The following PKD1L1 variants were observed in gnomAD, a reference collection of about 807,000 sequenced individuals.
The protein encoded by PKD1L1 is polycystin 1 like 1, transient receptor potential channel interacting.
A neutral mutation model predicts 323.4 loss-of-function variants in PKD1L1; 236 were observed. That is an observed-to-expected ratio of 0.73 (90% CI 0.66 to 0.81). PKD1L1 has a LOEUF of 0.81. Among genes scored for constraint, PKD1L1 ranks in the 40% least tolerant of loss-of-function variants. The pLI is 0.00. For missense variants in PKD1L1, 3,320 were observed against 3,508.0 expected (o/e 0.95, Z 1.35); for synonymous variants, 1,344 against 1,335.0 (o/e 1.01, Z -0.15).
intron 7 of PKD1L1, among the ~76,000 whole-genome samples, chr7:47,917,849 C>T (rs1229945985): frequency 6.6e-6 from 1 of 152,052 alleles, no homozygotes; most frequent in Non-Finnish European, 1.5e-5. Context: ...CCTGGAAACA[C>T]ATCAAAATAG....
rs747582195 is a variant in PKD1L1, at chr7:47,839,478, T to C, written c.5737A>G (p.Thr1913Ala). ...AAGCCGAGTCCCCCTTGCAGACAGG[T>C]GAGCTCCCGCTCCACGCGACCATCA... Reference protein sequence around the residue: ...RHDGRVERELTCLQGGLGFRK... With the variant: ...RHDGRVERELACLQGGLGFRK... The change falls in exon 36 of 57, where the codon ACC (threonine) becomes GCC (alanine). Residue 1913 changes from threonine to alanine, a missense_variant. Coordinates refer to ENST00000289672, the MANE Select transcript of PKD1L1 (RefSeq NM_138295.5). The surrounding 1 kb of genome is among the most constrained non-coding windows in gnomAD (Gnocchi z 4.3). The C allele has an allele frequency of 1.9e-6, 3 of 1,611,978 alleles. No homozygotes were observed. The South Asian group carries it at 3.3e-5, about 18-fold the overall frequency.
chr7:47,922,222 T>G (rs1220195963), intron 7 of PKD1L1, among the ~76,000 whole-genome samples: 3 of 152,180 alleles, frequency 2.0e-5, no homozygotes, highest in African/African-American at 7.2e-5. Context: ...TGCTCAATGT[T>G]GCCCAGGCTG....
chr7:47,868,857 A>T (rs189872163), intron 24 of PKD1L1, among the ~76,000 whole-genome samples: 19 of 152,370 alleles, frequency 1.2e-4, no homozygotes, highest in African/African-American at 4.3e-4. Context: ...CCTGGGCAAC[A>T]GAGCAAGACT....
rs116849017 is a variant in PKD1L1, at chr7:47,905,105, G to A, written c.1691+52C>T. The A allele has an allele frequency of 8.4e-4, 1,327 of 1,575,046 alleles. 25 individuals carry two copies. In the East Asian group the frequency reaches 0.027, roughly 32 times the overall value. On this transcript the variant is annotated intron_variant, in intron 11 of 56. Coordinates refer to ENST00000289672, the MANE Select transcript of PKD1L1 (RefSeq NM_138295.5). ...AGCAGCATGGTGATCTTCAGACTGA[G>A]TATAGGCTGCAGTACAAACAGCTAC...
At chr7:47,817,967 A>G (rs202210718) in intron 46 of PKD1L1, 1 of 1,118,800 alleles carries the variant, frequency 8.9e-7, no homozygotes, top group East Asian at 5.1e-5. Flanking sequence ...ATGATCTCTT[A>G]TCCTTTCAAG....
chr7:47,844,939 G>C, intron 33 of PKD1L1, 56 bp downstream of exon 33: 9 of 1,461,984 alleles, frequency 6.2e-6, no homozygotes, highest in South Asian at 1.2e-5. Context: ...GGCATCCTGA[G>C]TGAACAGTAA....
At chr7:47,823,208 C>T (rs193010780) in intron 45 of PKD1L1, among the ~76,000 whole-genome samples, 1 of 152,126 alleles carries the variant, frequency 6.6e-6, no homozygotes, top group Admixed American at 6.5e-5. Flanking sequence ...TTCATAGATA[C>T]CCTTTATTAG....
intron 56 of PKD1L1, among the ~76,000 whole-genome samples, chr7:47,792,193 C>T (rs1193626727): frequency 2.0e-5 from 3 of 152,188 alleles, no homozygotes; most frequent in Non-Finnish European, 4.4e-5. Context: ...CACTGTCTAA[C>T]TTGGAGAATT....
chr7:47,835,659 G>A lies in PKD1L1; in HGVS notation c.5944-416C>T, dbSNP rs181553163. Among the ~76,000 whole-genome samples, 319 of 152,034 alleles carry A rather than the reference G, an allele frequency of 2.1e-3. 1 individual carries two copies. Among genetic ancestry groups the A allele is most frequent in the Non-Finnish European group, 3.5e-3 (237 of 67,986 alleles). ...CAGGTGATCTGCCCACCTCAGCCCC[G>A]CAAAGTGCTGGGATTACAGGCGTGA... On this transcript the variant is annotated intron_variant, in intron 37 of 56. Transcript: ENST00000289672.
chr7:47,960,579 T>C, the PKD1L1 span, among the ~76,000 whole-genome samples: 142 of 151,626 alleles, frequency 9.4e-4, no homozygotes, highest in African/African-American at 3.2e-3. Flanking sequence ...TTACCTATGG[T>C]GCTTTGCCTT....
At chr7:47,776,752 G>A (rs1786577400) in intron 56 of PKD1L1, among the ~76,000 whole-genome samples, 1 of 152,148 alleles carries the variant, frequency 6.6e-6, no homozygotes, top group South Asian at 2.1e-4. Context: ...TTATGACCAC[G>A]CAATAAATAG....
chr7:47,943,915 T>G (rs1358072161), intron 1 of PKD1L1, among the ~76,000 whole-genome samples: 1 of 152,116 alleles, frequency 6.6e-6, no homozygotes, highest in Non-Finnish European at 1.5e-5. Flanking sequence ...CTCACAGCCC[T>G]AAGAGCACAT....
chr7:47,925,101 C>G (rs1243005454), intron 7 of PKD1L1, among the ~76,000 whole-genome samples: 1 of 151,956 alleles, frequency 6.6e-6, no homozygotes, highest in Non-Finnish European at 1.5e-5. Context: ...TTTCTATATA[C>G]CAATGACAAC....
intron 45 of PKD1L1, among the ~76,000 whole-genome samples, chr7:47,821,457 C>T (rs927663078): frequency 2.6e-5 from 4 of 151,672 alleles, no homozygotes; most frequent in Admixed American, 6.6e-5. Flanking sequence ...TTAGTGGAGA[C>T]GGGGTTTCTC....
chr7:47,896,375 T>C (rs1192577188), intron 14 of PKD1L1, among the ~76,000 whole-genome samples: 1 of 150,872 alleles, frequency 6.6e-6, no homozygotes, highest in Non-Finnish European at 1.5e-5. Context: ...CTGTCAGTCT[T>C]ATAATCACTA....
chr7:47,792,532 GA>G, intron 56 of PKD1L1, 94 bp downstream of exon 56: 1 of 1,227,542 alleles, frequency 8.1e-7, no homozygotes, highest in Non-Finnish European at 1.1e-6. Context: ...TATGCAAATG[GA>G]CCTTATAATT....
At chr7:47,944,573 G>A (rs961045152) in intron 1 of PKD1L1, among the ~76,000 whole-genome samples, 3 of 152,226 alleles carry the variant, frequency 2.0e-5, no homozygotes, top group Admixed American at 2.0e-4. Context: ...CACACCCAAA[G>A]CCGATGCCAA....
chr7:47,948,594 C>A, upstream of PKD1L1: 1 of 647,602 alleles, frequency 1.5e-6, no homozygotes. Flanking sequence ...AAAATCCAAA[C>A]TCCAGTAACA....
chr7:47,829,301 A>T, intron 44 of PKD1L1, 124 bp downstream of exon 44: 2 of 917,074 alleles, frequency 2.2e-6, no homozygotes, highest in Non-Finnish European at 1.6e-6. Context: ...AGAAATTAAG[A>T]CATCCCATGG....
Sources: allele counts gnomAD v4.1 joint callset (sites outside exome capture counted in the v4.1 genomes callset), GRCh38; gene constraint gnomAD v4.1.1; non-coding constraint Gnocchi (gnomAD v3.1); transcripts MANE v1.5; gene names NCBI Gene and HGNC (gene_info 2026-07-23, HGNC 2026-07-21).